The following NSUN6 variants were observed in gnomAD, a reference collection of about 807,000 sequenced individuals.
The protein encoded by NSUN6 is NOP2/Sun RNA methyltransferase 6.
NSUN6 carries 64 observed loss-of-function variants against 58.0 expected under a neutral mutation model. That is an observed-to-expected ratio of 1.10 (90% CI 0.90 to 1.36). The LOEUF (loss-of-function observed/expected upper bound fraction) is 1.36. NSUN6 is among the 40% of genes most tolerant of loss of function. The probability of loss-of-function intolerance (pLI) is 0.00; values close to 1 mark genes in which losing one functional copy is unlikely to be tolerated. For synonymous variants in NSUN6, 231 were observed against 193.9 expected (o/e 1.19, Z -1.59); for missense variants, 701 against 550.1 (o/e 1.27, Z -2.74).
rs139759463 is a variant in NSUN6, at chr10:18,570,446, C to CTCCATTCCAT, written c.922+15493_922+15502dup. ...ATTCCATTCTCCATTCCATTCCATTCTCCATTCCATTCCATTCTCCAATCC... is the reference window on the plus strand; with the variant it reads ...ATTCCATTCTCCATTCCATTCCATTCTCCATTCCATTCCATTCCATTCCATTCTCCAATCC... On this transcript the variant is annotated intron_variant, in intron 8 of 10. Coordinates refer to ENST00000377304, the MANE Select transcript of NSUN6 (RefSeq NM_182543.5). Among the ~76,000 whole-genome samples, 5 of 148,470 alleles carry CTCCATTCCAT rather than the reference C, an allele frequency of 3.4e-5. No homozygotes were observed. The East Asian group carries it at 6.2e-4, about 18-fold the overall frequency.
At chr10:18,635,249 T>C (rs2059174047) in intron 3 of NSUN6, among the ~76,000 whole-genome samples, 1 of 152,186 alleles carries the variant, frequency 6.6e-6, no homozygotes, top group Non-Finnish European at 1.5e-5. Flanking sequence ...GTTTGGTTTC[T>C]TCCAAACTTC....
At chr10:18,625,614 G>C (rs2058764963) in intron 3 of NSUN6, among the ~76,000 whole-genome samples, 1 of 150,970 alleles carries the variant, frequency 6.6e-6, no homozygotes, top group African/African-American at 2.4e-5. Flanking sequence ...TCCGGAGGGT[G>C]AGGCAGGAGA....
At chr10:18,613,255 C>T (rs2058299462) in intron 5 of NSUN6, among the ~76,000 whole-genome samples, 1 of 152,110 alleles carries the variant, frequency 6.6e-6, no homozygotes, top group Admixed American at 6.5e-5. Context: ...TACCACCACA[C>T]CTAGCTTATT....
chr10:18,554,975 C>T (rs796143454), intron 8 of NSUN6, among the ~76,000 whole-genome samples: 14 of 140,586 alleles, frequency 1.0e-4, no homozygotes, highest in African/African-American at 3.7e-4. Flanking sequence ...ATGGAATGGA[C>T]ACTGGAATGG....
chr10:18,591,114 T>C (rs1451809118), intron 7 of NSUN6, among the ~76,000 whole-genome samples: 1 of 152,120 alleles, frequency 6.6e-6, no homozygotes. Flanking sequence ...AACCCCTCCA[T>C]GCAAATAACC....
At chr10:18,630,162 C>A (rs1313379191) in intron 3 of NSUN6, among the ~76,000 whole-genome samples, 3 of 138,008 alleles carry the variant, frequency 2.2e-5, no homozygotes, top group African/African-American at 8.2e-5. Flanking sequence ...CTACTGGGTA[C>A]ATAACGAAAT....
Position 18,647,740 on chromosome 10 carries a change from T to G in NSUN6, c.231+750A>C, listed in dbSNP as rs56260360. Among the ~76,000 whole-genome samples the G allele has an allele frequency of 2.4e-3, 347 of 143,302 alleles. 1 individual carries two copies. Among genetic ancestry groups the G allele is most frequent in the African/African-American group, 8.3e-3 (316 of 38,144 alleles). 94.0% of individuals were successfully genotyped at this position (143,302 alleles called of 152,430 possible). A position where few individuals can be genotyped will look rare whatever the true frequency, so the allele number is the denominator to read the frequency against. ...TCAACACCTTGTTTTTTTTTTTTTT[T>G]TTTTTTTTTTTTGAGACAGAGTCTC... On this transcript the variant is annotated intron_variant, in intron 2 of 10. Transcript: ENST00000377304.
At chr10:18,647,201 G>C (rs1032388993) in intron 2 of NSUN6, among the ~76,000 whole-genome samples, 1 of 152,236 alleles carries the variant, frequency 6.6e-6, no homozygotes, top group Non-Finnish European at 1.5e-5. Context: ...TTTAAAAGGG[G>C]ATAAGTGACT....
intron 3 of NSUN6, among the ~76,000 whole-genome samples, chr10:18,628,651 A>G (rs2058915463): frequency 6.6e-6 from 1 of 152,238 alleles, no homozygotes; most frequent in African/African-American, 2.4e-5. Flanking sequence ...AAGAAAGGGT[A>G]TCAGCGATGG....
At chr10:18,630,588 A>G (rs1272843506) in intron 3 of NSUN6, among the ~76,000 whole-genome samples, 1 of 152,268 alleles carries the variant, frequency 6.6e-6, no homozygotes, top group Non-Finnish European at 1.5e-5. Flanking sequence ...CACCAATCCC[A>G]CAGAAATACA....
At chr10:18,575,970 G>A (rs1249672223) in intron 8 of NSUN6, among the ~76,000 whole-genome samples, 1 of 152,142 alleles carries the variant, frequency 6.6e-6, no homozygotes, top group African/African-American at 2.4e-5. Context: ...GGAAGGAGAA[G>A]CTCAAGCCAG....
At chr10:18,612,785 T>G (rs1259009590) in intron 5 of NSUN6, among the ~76,000 whole-genome samples, 1 of 152,238 alleles carries the variant, frequency 6.6e-6, no homozygotes, top group East Asian at 1.9e-4. Flanking sequence ...TAAAAAATAC[T>G]TTTGTAGCCA....
intron 8 of NSUN6, among the ~76,000 whole-genome samples, chr10:18,568,580 C>T (rs1014885512): frequency 2.0e-5 from 3 of 150,644 alleles, no homozygotes; most frequent in African/African-American, 7.3e-5. Context: ...TTCCCCTTTC[C>T]ATTGCATTCC....
upstream of NSUN6, among the ~76,000 whole-genome samples, chr10:18,657,792 T>C (rs1275120416): frequency 2.0e-5 from 3 of 152,176 alleles, no homozygotes; most frequent in East Asian, 5.8e-4. Flanking sequence ...TTTTGTATTT[T>C]TAGTAGAGAC....
At chr10:18,644,924 G>A (rs192603838) in intron 2 of NSUN6, among the ~76,000 whole-genome samples, 342 of 151,618 alleles carry the variant, frequency 2.3e-3, no homozygotes, top group Non-Finnish European at 3.4e-3. Context: ...CTGTGAGGCC[G>A]AAGCAGGTGG....
intron 10 of NSUN6, 49 bp from the exon 11 acceptor site, chr10:18,546,194 A>T: frequency 8.3e-7 from 1 of 1,207,316 alleles, no homozygotes; most frequent in Non-Finnish European, 1.2e-6. Context: ...GTAATTAGCA[A>T]GTATGACTGC....
At chr10:18,596,425 C>CA in intron 6 of NSUN6, 98 bp from the exon 7 acceptor site, 1 of 723,976 alleles carries the variant, frequency 1.4e-6, no homozygotes, top group Non-Finnish European at 2.4e-6. Flanking sequence ...TAATCCACTA[C>CA]AGCATCCTCA....
intron 6 of NSUN6, among the ~76,000 whole-genome samples, chr10:18,602,849 T>G (rs1164519971): frequency 6.6e-6 from 1 of 152,232 alleles, no homozygotes; most frequent in African/African-American, 2.4e-5. Context: ...CCAGTTACTC[T>G]TGCATAGTAT....
chr10:18,582,291 T>C (rs1319782867), intron 8 of NSUN6, among the ~76,000 whole-genome samples: 3 of 152,176 alleles, frequency 2.0e-5, no homozygotes, highest in African/African-American at 7.2e-5. Flanking sequence ...TTGCCTGACA[T>C]TCCCGGTTGT....
Sources: gnomAD v4.1 joint callset for allele counts (sites outside exome capture counted in the v4.1 genomes callset) on GRCh38, gnomAD v4.1.1 for gene constraint, MANE v1.5 for transcripts, NCBI Gene and HGNC (gene_info 2026-07-23, HGNC 2026-07-21) for gene names.